ABCA3: variants seen among roughly 807,000 people sequenced by gnomAD.
ABCA3 encodes the protein ATP binding cassette subfamily A member 3, also known as phospholipid-transporting ATPase ABCA3.
In ABCA3, 88 loss-of-function variants were observed where a neutral mutation model predicts 172.8. That is an observed-to-expected ratio of 0.51 (90% CI 0.43 to 0.61). The LOEUF (loss-of-function observed/expected upper bound fraction) is 0.61, where lower values mean the gene tolerates loss of function less well. ABCA3 is among the 20% of genes least tolerant of loss of function. ABCA3 has a pLI of 0.00. For missense variants in ABCA3, 2,164 were observed against 2,301.0 expected (o/e 0.94, Z 1.22); for synonymous variants, 1,066 against 983.8 (o/e 1.08, Z -1.56).
At chr16:2,323,836 T>C (rs2093730017) in intron 6 of ABCA3, 148 bp from the exon 7 acceptor site, 3 of 975,752 alleles carry the variant, frequency 3.1e-6, no homozygotes, top group Non-Finnish European at 3.2e-6. Flanking sequence ...GGCCCCGGAA[T>C]GTCACACTGA....
rs2093658302 is a variant in ABCA3, at chr16:2,283,521, C to T, written c.3863-163G>A. 1.3e-6 allele frequency: 1 copy of T among 755,192 alleles called. No homozygotes were observed. The highest frequency in any genetic ancestry group is 2.1e-6 in the Non-Finnish European group (1 of 476,594). The allele number at this position is 755,192 out of a possible 1,614,324, so 46.8% of individuals were successfully genotyped here. On this transcript the variant is annotated intron_variant, in intron 25 of 32. Coordinates refer to ENST00000301732, the MANE Select transcript of ABCA3 (RefSeq NM_001089.3). The surrounding 1 kb of genome is among the most constrained non-coding windows in gnomAD (Gnocchi z 5.4). ...AGTAGGTCACAGCTGCCTCTCGAGG[C>T]ACCACAGCTCAGAGAGGGGCCAGGC...
At chr16:2,298,619 T>C (rs1253321541) in intron 14 of ABCA3, 79 bp from the exon 15 acceptor site, 3 of 1,527,778 alleles carry the variant, frequency 2.0e-6, no homozygotes, top group Non-Finnish European at 1.8e-6. Flanking sequence ...CCCCACCCCC[T>C]CTCTGTCTCC....
At chr16:2,337,636 T>C (rs1395906953) in intron 1 of ABCA3, among the ~76,000 whole-genome samples, 1 of 152,020 alleles carries the variant, frequency 6.6e-6, no homozygotes, top group Non-Finnish European at 1.5e-5. Flanking sequence ...TCCTCCCGCC[T>C]TGGCCTCCCA....
In ABCA3 at chr16:2,298,529, G is replaced by A. The variant is rs143113995; in HGVS notation, c.1753C>T (p.Pro585Ser). 1.5e-5 allele frequency: 24 copies of A among 1,613,448 alleles called. No homozygotes were observed. Among genetic ancestry groups the A allele is most frequent in the African/African-American group, 5.3e-5 (4 of 74,932 alleles). Residue 585 changes from proline to serine, a missense_variant, in exon 15 of 33, where the codon CCC becomes TCC. Physicochemically the swap from Pro to Ser is moderately conservative, Grantham distance 74. This residue lies in a region of ABCA3 where 1,343 missense variants were observed against 1,369.6 expected (regional missense o/e 0.98). Transcript: ENST00000301732. The stretch of plus-strand genomic sequence containing the variant: ...CTGATGTATGCCCGTCCACTGGTGG[G>A]GGGAAAGAGACCTGGGGCCCAGCAG... ...TLSMLTGLFP[P>S]TSGRAYISGY...
chr16:2,334,107 A>G (rs2093747729), intron 1 of ABCA3, among the ~76,000 whole-genome samples: 1 of 152,192 alleles, frequency 6.6e-6, no homozygotes, highest in Non-Finnish European at 1.5e-5. Context: ...ACAGGAATTA[A>G]TTGCGTGTGT....
Position 2,319,474 on chromosome 16 carries a change from G to A in ABCA3, c.873+107C>T. The A allele has an allele frequency of 3.6e-6, 5 of 1,384,742 alleles. No individual in the cohort carries two copies. The East Asian group carries it at 7.6e-5, about 21-fold the overall frequency. The allele number at this position is 1,384,742 out of a possible 1,614,324, so 85.8% of individuals were successfully genotyped here. A position where few individuals can be genotyped will look rare whatever the true frequency, so the allele number is the denominator to read the frequency against. On this transcript the variant is annotated intron_variant, in intron 8 of 32. Transcript: ENST00000301732. ...CACTCCAGCCTGGGCGACAGAGCGA[G>A]ACTCCAACTCAAAAAAAAAAAAATA... is the stretch of plus-strand genomic sequence containing the variant.
In ABCA3 at chr16:2,276,675, C is replaced by T. The variant is rs1281016777; in HGVS notation, c.5114G>A (p.Ter1705=). 2.5e-6 allele frequency: 4 copies of T among 1,613,186 alleles called. No individual in the cohort carries two copies. In the South Asian group the frequency reaches 3.3e-5, roughly 13 times the overall value. Residue 1705 remains the stop codon, a stop_retained_variant, in exon 33 of 33, where the codon TGA becomes TAA. Transcript: ENST00000301732. ...TGATGGCGAGACAGCCGCCACCCCT[C>T]ATCGCCCCTCCTCTGCGGTGGGCGG... ...LQPPTAEEGR[*] is the part of the protein sequence containing the mutation.
In ABCA3 at chr16:2,302,806, T is replaced by G. The variant is rs545504909; in HGVS notation, c.1467+1163A>C. On this transcript the variant is annotated intron_variant, in intron 12 of 32. Transcript: ENST00000301732. Reference sequence around the variant, plus strand: ...ACCCCGATCCCATTTTTTTTTTTTTTGAGATGGAGTCTCGCTCTGTCGCCC... The same window carrying G: ...ACCCCGATCCCATTTTTTTTTTTTTGGAGATGGAGTCTCGCTCTGTCGCCC... 2.7e-5 allele frequency among the ~76,000 whole-genome samples: 4 copies of G among 150,640 alleles called. No homozygotes were observed. In the East Asian group the frequency reaches 7.9e-4, roughly 30 times the overall value.
Position 2,281,396 on chromosome 16 carries a change from G to C in ABCA3, c.4149C>G (p.Ile1383Met), listed in dbSNP as rs772158879. ...GCAAGGGTACCTTGGAGAGCTCCTT[G>C]ATAATCAGAGGTGTGTGGAGCAGGG... ...PDSLLHTPLIIKELSKVYEQR... is the reference protein window; with the variant it reads ...PDSLLHTPLIMKELSKVYEQR... Residue 1383 changes from isoleucine (I) to methionine (M), a missense_variant, in exon 27 of 33, where the codon ATC becomes ATG. Ile to Met is a conservative substitution (Grantham distance 10). This residue lies in a region of ABCA3 where 795 missense variants were observed against 881.9 expected (regional missense o/e 0.90). Transcript: ENST00000301732. This position sits in a 1 kb window ranked among gnomAD's most constrained non-coding sequence, Gnocchi z 4.7. 13 of 1,613,620 alleles carry C rather than the reference G, an allele frequency of 8.1e-6. No homozygotes were observed. The East Asian group carries it at 2.9e-4, about 36-fold the overall frequency.
At chr16:2,328,079 A>G (rs1011645529) in intron 3 of ABCA3, among the ~76,000 whole-genome samples, 3 of 152,086 alleles carry the variant, frequency 2.0e-5, no homozygotes, top group African/African-American at 7.2e-5. Context: ...AATCTATCCT[A>G]TATTATATAG....
intron 8 of ABCA3, among the ~76,000 whole-genome samples, chr16:2,319,269 A>G (rs1327292992): frequency 6.6e-6 from 1 of 152,116 alleles, no homozygotes; most frequent in Non-Finnish European, 1.5e-5. Flanking sequence ...GCGGATCACA[A>G]GGTCAGGAGA....
intron 10 of ABCA3, among the ~76,000 whole-genome samples, chr16:2,313,914 C>T (rs1045817543): frequency 6.6e-6 from 1 of 150,566 alleles, no homozygotes; most frequent in South Asian, 2.1e-4. Context: ...AAGTAATTAA[C>T]AGACGTGAAA....
chr16:2,304,100 CG>C lies in ABCA3; in HGVS notation c.1335del (p.Asp445GlufsTer22). 1 of 1,614,178 alleles carries C rather than the reference CG, an allele frequency of 6.2e-7. No homozygotes were observed. The highest frequency in any genetic ancestry group is 8.5e-7 in the Non-Finnish European group (1 of 1,180,038). On this transcript the variant is annotated frameshift_variant, in exon 12 of 33. Transcript: ENST00000301732. LOFTEE classifies it high-confidence loss of function. ...CCCAGCACCTGCCCGAAGCAGAAGT[CG>C]TCGTCCACGTTGACGGGACTCAGGA... ...RDLLSPVNVD[D>X]DFCFGQVLGM...
At position 2,285,532 on chromosome 16, in the gene ABCA3, C is replaced by T. The variant is rs1490344721; in HGVS notation, c.3393G>A (p.Gln1131=). The T allele has an allele frequency of 6.2e-7, 1 of 1,604,928 alleles. No individual in the cohort carries two copies. The highest frequency in any genetic ancestry group is 2.2e-5 in the East Asian group (1 of 44,522). Residue 1131 remains glutamine (Q), a synonymous_variant, in exon 23 of 33, where the codon CAG becomes CAA. Transcript: ENST00000301732. This position sits in a 1 kb window ranked among gnomAD's most constrained non-coding sequence, Gnocchi z 4.7. ...SERAVQAKHV[Q]FVSGVHVASF... Reference sequence around the variant, plus strand: ...TGGCCACGTGGACTCCACTCACAAACTGCACATGCTTGGCCTGCACGGCCC... The same window carrying T: ...TGGCCACGTGGACTCCACTCACAAATTGCACATGCTTGGCCTGCACGGCCC...
chr16:2,316,490 CAA>C (rs71148128), intron 10 of ABCA3, among the ~76,000 whole-genome samples: 44 of 28,846 alleles, frequency 1.5e-3, no homozygotes, highest in Non-Finnish European at 2.5e-3. Context: ...ACTAAAAATG[CAA>C]AAAAAAAAAA....
chr16:2,328,917 T>C (rs555771011), intron 2 of ABCA3, among the ~76,000 whole-genome samples, 160 bp from the exon 3 acceptor site: 2 of 151,184 alleles, frequency 1.3e-5, no homozygotes, highest in African/African-American at 4.9e-5. Flanking sequence ...TTTTTTTAAA[T>C]GACCCATTTT....
chr16:2,317,466 G>A lies in ABCA3; in HGVS notation c.991-63C>T, dbSNP rs1000065231. ...GCAGAGGTGGACCAGGAGGACTCCTGACCATCCCTGGTCACAGGGACGCGG... is the reference window on the plus strand; with the variant it reads ...GCAGAGGTGGACCAGGAGGACTCCTAACCATCCCTGGTCACAGGGACGCGG... On this transcript the variant is annotated intron_variant, in intron 9 of 32. Transcript: ENST00000301732. 8.7e-6 allele frequency: 14 copies of A among 1,608,614 alleles called. 1 individual carries two copies. In the Admixed American group the frequency reaches 1.5e-4, roughly 17 times the overall value.
At chr16:2,300,449 G>C (rs954211421) in intron 12 of ABCA3, among the ~76,000 whole-genome samples, 1 of 152,138 alleles carries the variant, frequency 6.6e-6, no homozygotes, top group African/African-American at 2.4e-5. Context: ...AAATTTCATA[G>C]ACAGAAGTTA....
chr16:2,287,926 C>G lies in ABCA3; in HGVS notation c.3004+100G>C. ...CAGTACATTCGGAACAGCCAAGAAC[C>G]ATCCTCCCCAGATGTCGACCCTGCT... On this transcript the variant is annotated intron_variant, in intron 21 of 32. Coordinates refer to ENST00000301732, the MANE Select transcript of ABCA3 (RefSeq NM_001089.3). The surrounding 1 kb of genome is among the most constrained non-coding windows in gnomAD (Gnocchi z 4.1). 1.1e-5 allele frequency: 16 copies of G among 1,459,636 alleles called. No homozygotes were observed. The highest frequency in any genetic ancestry group is 1.4e-5 in the Non-Finnish European group (15 of 1,070,004). The allele number at this position is 1,459,636 out of a possible 1,614,324, so 90.4% of individuals were successfully genotyped here.
Sources: gnomAD v4.1 joint callset for allele counts (sites outside exome capture counted in the v4.1 genomes callset) on GRCh38, gnomAD v4.1.1 for gene constraint, gnomAD v4.1.1 regional missense constraint, Gnocchi (gnomAD v3.1) non-coding constraint, MANE v1.5 for transcripts, NCBI Gene and HGNC (gene_info 2026-07-23, HGNC 2026-07-21) for gene names.